Variants in SOX6 observed in about 807,000 individuals in gnomAD.
SOX6 encodes transcription factor SOX-6.
Under a neutral mutation model 97.8 loss-of-function variants are expected in SOX6, and 11 were observed. The observed-to-expected ratio is 0.11, with a 90% CI of 0.07 to 0.19. SOX6 has a LOEUF of 0.19. Among genes scored for constraint, SOX6 ranks in the 10% least tolerant of loss-of-function variants. SOX6 has a pLI of 1.00. For synonymous variants in SOX6, 360 were observed against 371.4 expected (o/e 0.97, Z 0.35); for missense variants, 810 against 1,039.5 (o/e 0.78, Z 3.04).
intron 9 of SOX6, among the ~76,000 whole-genome samples, chr11:16,089,952 T>A (rs1179739903): frequency 3.3e-5 from 5 of 152,100 alleles, no homozygotes; most frequent in Non-Finnish European, 5.9e-5. Context: ...AATGTACCCT[T>A]AATCACATCA....
At chr11:16,435,998 C>G (rs1194073167) in intron 1 of SOX6, among the ~76,000 whole-genome samples, 1 of 152,134 alleles carries the variant, frequency 6.6e-6, no homozygotes, top group East Asian at 1.9e-4. Context: ...ATTTCCTCAT[C>G]AACATCCTCA....
At chr11:16,191,766 A>G (rs1034766737) in intron 4 of SOX6, among the ~76,000 whole-genome samples, 2 of 152,068 alleles carry the variant, frequency 1.3e-5, no homozygotes, top group African/African-American at 4.8e-5. Context: ...CTTTTATCCA[A>G]CATCACACAG....
intron 1 of SOX6, among the ~76,000 whole-genome samples, chr11:16,467,836 T>A (rs1237976629): frequency 6.6e-6 from 1 of 152,076 alleles, no homozygotes; most frequent in African/African-American, 2.4e-5. Context: ...AAAGGTTAAA[T>A]AACAACAAAA....
intron 2 of SOX6, among the ~76,000 whole-genome samples, chr11:16,726,186 ATTAC>A (rs34440878): frequency 0.16 from 24,711 of 152,098 alleles, 2,626 homozygotes; most frequent in East Asian, 0.32. Context: ...AGGCGGGAGG[ATTAC>A]TTGAGGTTGG....
chr11:16,692,021 CAGTT>C (rs1490233353), intron 3 of SOX6, among the ~76,000 whole-genome samples: 20 of 151,574 alleles, frequency 1.3e-4, no homozygotes, highest in Admixed American at 1.2e-3. Context: ...TAGTAGTAAT[CAGTT>C]AGACTTCACT....
intron 12 of SOX6, among the ~76,000 whole-genome samples, chr11:16,038,325 G>C (rs1855570187): frequency 6.6e-6 from 1 of 152,022 alleles, no homozygotes; most frequent in Non-Finnish European, 1.5e-5. Flanking sequence ...TAGAAACTAT[G>C]CAAATTAATA....
intron 9 of SOX6, among the ~76,000 whole-genome samples, chr11:16,092,677 C>A (rs1848717231): frequency 6.6e-6 from 1 of 151,770 alleles, no homozygotes; most frequent in Non-Finnish European, 1.5e-5. Flanking sequence ...AATAAGAAGG[C>A]ATGAGGCAGG....
intron 3 of SOX6, among the ~76,000 whole-genome samples, chr11:16,279,587 A>T (rs542607164): frequency 1.2e-4 from 19 of 152,180 alleles, no homozygotes; most frequent in African/African-American, 4.6e-4. Flanking sequence ...TCCTTGACTA[A>T]CTTCAATAAT....
At chr11:16,163,636 A>G (rs987801890) in intron 6 of SOX6, among the ~76,000 whole-genome samples, 4 of 152,202 alleles carry the variant, frequency 2.6e-5, no homozygotes, top group Non-Finnish European at 1.5e-5. Context: ...CTCTCCCTTA[A>G]AGTGAAAAAC....
intron 3 of SOX6, among the ~76,000 whole-genome samples, chr11:16,614,575 C>T (rs1291860535): frequency 6.6e-6 from 1 of 152,022 alleles, no homozygotes; most frequent in Non-Finnish European, 1.5e-5. Context: ...AAGCCTTTTT[C>T]GCTCACCGTT....
intron 4 of SOX6, among the ~76,000 whole-genome samples, chr11:16,560,362 T>C (rs1847794436): frequency 6.6e-6 from 1 of 152,130 alleles, no homozygotes; most frequent in African/African-American, 2.4e-5. Context: ...GCATTATGCC[T>C]AAAATGTAGC....
rs866328555 is a variant in SOX6, at chr11:16,080,531, C to T, written c.1101+15465G>A. 3.3e-5 allele frequency among the ~76,000 whole-genome samples: 5 copies of T among 150,230 alleles called. No individual in the cohort carries two copies. The South Asian group carries it at 1.0e-3, about 31-fold the overall frequency. On this transcript the variant is annotated intron_variant, in intron 9 of 15. Coordinates refer to ENST00000683767, the MANE Select transcript of SOX6 (RefSeq NM_001367873.1). ...ATTATGAAGACTTAATACTCATAGGCTCTTGTTATTCTTAAAGGTACATTC... is the reference window on the plus strand; with the variant it reads ...ATTATGAAGACTTAATACTCATAGGTTCTTGTTATTCTTAAAGGTACATTC...
intron 4 of SOX6, among the ~76,000 whole-genome samples, chr11:16,214,375 A>G (rs1852309634): frequency 6.6e-6 from 1 of 152,184 alleles, no homozygotes; most frequent in Non-Finnish European, 1.5e-5. Flanking sequence ...TCAGTGCTGA[A>G]TTACTGGGTA....
At chr11:16,336,026 T>C (rs1481140737) in intron 2 of SOX6, among the ~76,000 whole-genome samples, 1 of 152,202 alleles carries the variant, frequency 6.6e-6, no homozygotes, top group African/African-American at 2.4e-5. Context: ...AGTAGGTCTC[T>C]AAAATAAGAA....
At chr11:16,504,430 T>G in intron 4 of SOX6, among the ~76,000 whole-genome samples, 1 of 151,960 alleles carries the variant, frequency 6.6e-6, no homozygotes, top group Non-Finnish European at 1.5e-5. Context: ...TCTGAAGTAA[T>G]TCTATGCACC....
intron 4 of SOX6, among the ~76,000 whole-genome samples, chr11:16,527,690 T>C (rs1346852581): frequency 6.6e-6 from 1 of 152,138 alleles, no homozygotes; most frequent in Non-Finnish European, 1.5e-5. Flanking sequence ...TGCATAGTGT[T>C]GTATTCTTGG....
At chr11:16,423,067 T>C (rs1009641316) in intron 1 of SOX6, among the ~76,000 whole-genome samples, 1 of 152,220 alleles carries the variant, frequency 6.6e-6, no homozygotes, top group Non-Finnish European at 1.5e-5. Context: ...AGAGTCTTCA[T>C]CATTCTTTTG....
intron 1 of SOX6, among the ~76,000 whole-genome samples, chr11:16,354,857 C>T (rs1404969619): frequency 6.6e-6 from 1 of 152,008 alleles, no homozygotes; most frequent in East Asian, 1.9e-4. Flanking sequence ...TGTCCCCTGG[C>T]CCAACACTAA....
chr11:16,210,320 G>T (rs1288519699), intron 4 of SOX6, among the ~76,000 whole-genome samples: 1 of 152,140 alleles, frequency 6.6e-6, no homozygotes, highest in Non-Finnish European at 1.5e-5. Context: ...AAGGAACGAG[G>T]TACTGATACA....
Sources: allele counts gnomAD v4.1 joint callset (sites outside exome capture counted in the v4.1 genomes callset), GRCh38; gene constraint gnomAD v4.1.1; transcripts MANE v1.5; gene names NCBI Gene and HGNC (gene_info 2026-07-23, HGNC 2026-07-21).